SPAG16: variants seen among roughly 807,000 people sequenced by gnomAD.
The protein encoded by SPAG16 is sperm-associated antigen 16 protein.
A neutral mutation model predicts 80.4 loss-of-function variants in SPAG16; 86 were observed. The observed-to-expected ratio is 1.07, with a 90% CI of 0.90 to 1.28. SPAG16 has a LOEUF of 1.28. Ranked by LOEUF, SPAG16 falls within the 50% of genes most tolerant of loss-of-function variation. SPAG16 has a pLI of 0.00. For synonymous variants in SPAG16, 294 were observed against 265.9 expected, an observed-to-expected ratio of 1.11 and a Z score of -1.03; for missense variants, 870 against 765.3, an observed-to-expected ratio of 1.14 and a Z score of -1.61.
intron 15 of SPAG16, among the ~76,000 whole-genome samples, chr2:214,199,088 C>T (rs141166279): frequency 2.2e-4 from 34 of 152,118 alleles, no homozygotes; most frequent in African/African-American, 4.3e-4. Flanking sequence ...TTTTGCTGTG[C>T]GGAGGCTTTT....
chr2:213,998,862 C>T (rs2046654102), intron 12 of SPAG16, among the ~76,000 whole-genome samples: 1 of 152,028 alleles, frequency 6.6e-6, no homozygotes, highest in Non-Finnish European at 1.5e-5. Context: ...GGCATTTTGC[C>T]CCTGCCCTAG....
At chr2:214,171,705 A>G (rs1373707967) in intron 15 of SPAG16, among the ~76,000 whole-genome samples, 2 of 151,982 alleles carry the variant, frequency 1.3e-5, no homozygotes, top group African/African-American at 4.8e-5. Context: ...ATCTTTTTCC[A>G]TAGAATTGAA....
At chr2:213,991,855 G>GTTTATTT (rs1299423621) in intron 12 of SPAG16, among the ~76,000 whole-genome samples, 4 of 106,990 alleles carry the variant, frequency 3.7e-5, no homozygotes, top group Non-Finnish European at 7.6e-5. Flanking sequence ...TTTGACAATT[G>GTTTATTT]AGAGTTTATT....
intron 10 of SPAG16, among the ~76,000 whole-genome samples, chr2:213,566,595 G>A (rs954718098): frequency 2.0e-5 from 3 of 152,110 alleles, no homozygotes; most frequent in African/African-American, 7.2e-5. Flanking sequence ...TTCTGACCAT[G>A]GAATAATGAC....
chr2:213,618,773 T>C (rs1176493913), intron 10 of SPAG16, among the ~76,000 whole-genome samples: 1 of 151,916 alleles, frequency 6.6e-6, no homozygotes, highest in Non-Finnish European at 1.5e-5. Context: ...AGTCACAAGG[T>C]GGATTAGGTT....
chr2:213,699,574 A>G (rs557987854), intron 10 of SPAG16, among the ~76,000 whole-genome samples: 2 of 152,304 alleles, frequency 1.3e-5, no homozygotes, highest in Non-Finnish European at 2.9e-5. Flanking sequence ...CAGGATGTCT[A>G]GTATGCTTAT....
At chr2:214,312,287 T>C (rs1398194575) in intron 15 of SPAG16, among the ~76,000 whole-genome samples, 1 of 152,208 alleles carries the variant, frequency 6.6e-6, no homozygotes, top group Non-Finnish European at 1.5e-5. Context: ...TAGAGCTGTA[T>C]TATCTCTCAG....
chr2:213,682,266 G>T (rs903473625), intron 10 of SPAG16, among the ~76,000 whole-genome samples: 3 of 152,180 alleles, frequency 2.0e-5, no homozygotes, highest in Non-Finnish European at 4.4e-5. Flanking sequence ...GATCAAGATT[G>T]TTATATGTTT....
intron 10 of SPAG16, among the ~76,000 whole-genome samples, chr2:213,758,919 A>G (rs896746333): frequency 4.6e-5 from 7 of 152,228 alleles, no homozygotes; most frequent in Non-Finnish European, 1.0e-4. Flanking sequence ...CAGCAGAAAA[A>G]CATCAATATA....
intron 13 of SPAG16, among the ~76,000 whole-genome samples, chr2:214,093,815 A>AG (rs1275912736): frequency 1.3e-5 from 2 of 152,082 alleles, no homozygotes; most frequent in African/African-American, 4.8e-5. Context: ...AAGCATCCAT[A>AG]AACAATATAT....
At chr2:214,250,198 CAT>C (rs760695525) in intron 15 of SPAG16, 1 of 152,114 alleles carries the variant, frequency 6.6e-6, no homozygotes, top group Non-Finnish European at 1.5e-5. Context: ...GAGGAACACT[CAT>C]AGACATTTGA....
intron 10 of SPAG16, among the ~76,000 whole-genome samples, chr2:213,606,841 C>A (rs956636246): frequency 6.6e-6 from 1 of 152,214 alleles, no homozygotes; most frequent in Admixed American, 6.5e-5. Flanking sequence ...ATCTGCACTA[C>A]AGTCCTACCA....
intron 15 of SPAG16, among the ~76,000 whole-genome samples, chr2:214,193,940 G>A (rs1015491191): frequency 6.6e-6 from 1 of 151,954 alleles, no homozygotes; most frequent in Non-Finnish European, 1.5e-5. Context: ...CACTACCAAC[G>A]TTAAAGCAAT....
At chr2:214,271,536 C>G (rs1692001946) in intron 15 of SPAG16, among the ~76,000 whole-genome samples, 1 of 152,180 alleles carries the variant, frequency 6.6e-6, no homozygotes, top group Admixed American at 6.5e-5. Context: ...TGTGGTGGCT[C>G]ATGCCTGTAA....
At chr2:214,147,570 A>G (rs1474134364) in intron 14 of SPAG16, among the ~76,000 whole-genome samples, 1 of 152,174 alleles carries the variant, frequency 6.6e-6, no homozygotes, top group African/African-American at 2.4e-5. Flanking sequence ...TTTGGAAAGA[A>G]TTCTTTCTAA....
At chr2:214,240,065 G>C (rs1431815715) in intron 15 of SPAG16, 1 of 152,162 alleles carries the variant, frequency 6.6e-6, no homozygotes, top group Non-Finnish European at 1.5e-5. Context: ...GATGAGGAAA[G>C]GACCACAGAA....
chr2:214,266,865 A>G (rs2125884034), intron 15 of SPAG16, among the ~76,000 whole-genome samples: 1 of 151,952 alleles, frequency 6.6e-6, no homozygotes, highest in South Asian at 2.1e-4. Flanking sequence ...TAAAATACTT[A>G]GGAGTCAATT....
chr2:214,232,027 T>C (rs975837162), intron 15 of SPAG16, among the ~76,000 whole-genome samples: 1 of 151,460 alleles, frequency 6.6e-6, no homozygotes, highest in African/African-American at 2.4e-5. Flanking sequence ...TTTAAAAGTT[T>C]AACTAATATA....
chr2:213,289,770 G>A (rs1291285481), intron 1 of SPAG16, among the ~76,000 whole-genome samples: 1 of 152,196 alleles, frequency 6.6e-6, no homozygotes, highest in East Asian at 1.9e-4. Flanking sequence ...AATGATTTCT[G>A]TCTATAGTAG....
Sources: allele counts gnomAD v4.1 joint callset (sites outside exome capture counted in the v4.1 genomes callset), GRCh38; gene constraint gnomAD v4.1.1; transcripts MANE v1.5; gene names NCBI Gene and HGNC (gene_info 2026-07-23, HGNC 2026-07-21).